The following EDIL3 variants were observed in gnomAD, a reference collection of about 807,000 sequenced individuals.
EDIL3 encodes EGF like and discoidin domains 3.
EDIL3 carries 37 observed loss-of-function variants against 67.4 expected under a neutral mutation model. The ratio of observed to expected loss-of-function variants is 0.55; its 90% CI spans 0.42 to 0.72. The LOEUF is 0.72. Ranked by LOEUF, EDIL3 falls within the 30% of genes least tolerant of loss-of-function variation. EDIL3 has a pLI of 0.00. For synonymous variants in EDIL3, 195 were observed against 196.3 expected, an observed-to-expected ratio of 0.99 and a Z score of 0.05; for missense variants, 527 against 586.3, an observed-to-expected ratio of 0.90 and a Z score of 1.04.
intron 1 of EDIL3, among the ~76,000 whole-genome samples, chr5:84,364,386 T>A (rs1023354360): frequency 6.6e-6 from 1 of 152,208 alleles, no homozygotes; most frequent in African/African-American, 2.4e-5. Flanking sequence ...TCATATTGCT[T>A]TGGAAATTGT....
chr5:84,126,720 GA>G (rs1452010794), intron 5 of EDIL3, among the ~76,000 whole-genome samples: 12 of 152,040 alleles, frequency 7.9e-5, no homozygotes, highest in Admixed American at 7.9e-4. Context: ...ATAAACAGAT[GA>G]TTTTTATTTT....
chr5:84,150,377 T>C (rs952655860), intron 4 of EDIL3, among the ~76,000 whole-genome samples: 2 of 152,058 alleles, frequency 1.3e-5, no homozygotes, highest in African/African-American at 4.8e-5. Flanking sequence ...AGAACATATT[T>C]GCAAATCAAA....
At chr5:84,212,477 A>C (rs1452380801) in intron 3 of EDIL3, among the ~76,000 whole-genome samples, 1 of 152,228 alleles carries the variant, frequency 6.6e-6, no homozygotes, top group Non-Finnish European at 1.5e-5. Flanking sequence ...ACTTGGAAGA[A>C]ATTCGTGGAG....
chr5:83,967,544 T>A (rs1744718439), intron 9 of EDIL3, among the ~76,000 whole-genome samples: 1 of 152,094 alleles, frequency 6.6e-6, no homozygotes, highest in Non-Finnish European at 1.5e-5. Context: ...AAGTATGGCA[T>A]GAGAGTTCTG....
At chr5:84,332,664 A>G (rs898613482) in intron 1 of EDIL3, among the ~76,000 whole-genome samples, 1 of 152,152 alleles carries the variant, frequency 6.6e-6, no homozygotes, top group Non-Finnish European at 1.5e-5. Flanking sequence ...AGTATTTGTC[A>G]TTATGCTGGC....
chr5:84,379,555 T>C (rs773181174), intron 1 of EDIL3, among the ~76,000 whole-genome samples: 1 of 152,180 alleles, frequency 6.6e-6, no homozygotes, highest in East Asian at 1.9e-4. Flanking sequence ...ATGAAACTTA[T>C]AGTTCATATG....
At chr5:83,957,124 C>T (rs1390501947) in intron 10 of EDIL3, among the ~76,000 whole-genome samples, 1 of 151,644 alleles carries the variant, frequency 6.6e-6, no homozygotes, top group African/African-American at 2.4e-5. Flanking sequence ...TCCGTTCCTT[C>T]CTTCTCTGCC....
chr5:84,185,984 A>C (rs866484572), intron 3 of EDIL3, among the ~76,000 whole-genome samples: 1 of 152,262 alleles, frequency 6.6e-6, no homozygotes, highest in Non-Finnish European at 1.5e-5. Context: ...TTAGTATATA[A>C]AGATAACATA....
At chr5:84,086,532 T>C (rs1747075531) in intron 6 of EDIL3, among the ~76,000 whole-genome samples, 1 of 152,088 alleles carries the variant, frequency 6.6e-6, no homozygotes, top group Non-Finnish European at 1.5e-5. Context: ...TAGTTGGAAA[T>C]GCAGAAATCA....
chr5:84,321,558 C>T (rs1027908197), intron 1 of EDIL3, among the ~76,000 whole-genome samples: 1 of 152,098 alleles, frequency 6.6e-6, no homozygotes, highest in African/African-American at 2.4e-5. Context: ...CAGCTCTTAG[C>T]ACAATAGCAG....
intron 9 of EDIL3, among the ~76,000 whole-genome samples, chr5:84,025,616 C>A (rs923175907): frequency 6.6e-6 from 1 of 152,104 alleles, no homozygotes; most frequent in African/African-American, 2.4e-5. Flanking sequence ...CTAAATTGGT[C>A]CCTGGTACCA....
At chr5:84,015,185 C>T (rs1745580625) in intron 9 of EDIL3, among the ~76,000 whole-genome samples, 1 of 152,160 alleles carries the variant, frequency 6.6e-6, no homozygotes, top group Non-Finnish European at 1.5e-5. Flanking sequence ...AAGTGGAAAA[C>T]ACTGTGATGC....
At chr5:84,035,033 G>A (rs901438546) in intron 9 of EDIL3, among the ~76,000 whole-genome samples, 1 of 152,030 alleles carries the variant, frequency 6.6e-6, no homozygotes, top group Non-Finnish European at 1.5e-5. Flanking sequence ...AGACCATACT[G>A]ATGTTTTTTT....
At chr5:84,342,889 A>G (rs896264290) in intron 1 of EDIL3, among the ~76,000 whole-genome samples, 3 of 152,096 alleles carry the variant, frequency 2.0e-5, no homozygotes, top group South Asian at 2.1e-4. Flanking sequence ...ACTTAAAATC[A>G]AGCTCTTTGC....
rs70975543 is a variant in EDIL3 at position 84,141,952 on chromosome 5, GATCT to G, written c.356-4602_356-4599del. Among the ~76,000 whole-genome samples, 1,082 of 108,374 alleles carry G rather than the reference GATCT, an allele frequency of 1.0e-2. 17 individuals are homozygous for G. The highest frequency in any genetic ancestry group is 0.028 in the African/African-American group (762 of 27,382). The allele number at this position is 108,374 out of a possible 152,430, so 71.1% of individuals were successfully genotyped here. ...ATATATATATATATATATATACATA[GATCT>G]ATCTATCTATCTATCTATCTATCTA... On this transcript the variant is annotated intron_variant, in intron 4 of 10. Coordinates refer to ENST00000296591, the MANE Select transcript of EDIL3 (RefSeq NM_005711.5).
chr5:84,061,518 A>G (rs1280110599), intron 8 of EDIL3, among the ~76,000 whole-genome samples: 2 of 152,142 alleles, frequency 1.3e-5, no homozygotes, highest in Non-Finnish European at 2.9e-5. Context: ...ATCATCAAAG[A>G]AACAAAGATG....
intron 1 of EDIL3, among the ~76,000 whole-genome samples, chr5:84,277,304 A>T (rs1745601284): frequency 6.6e-6 from 1 of 152,090 alleles, no homozygotes; most frequent in Non-Finnish European, 1.5e-5. Context: ...TTATACCGAG[A>T]AGAGAGCCGA....
At chr5:84,290,042 A>G (rs1271746948) in intron 1 of EDIL3, among the ~76,000 whole-genome samples, 2 of 152,128 alleles carry the variant, frequency 1.3e-5, no homozygotes, top group South Asian at 4.1e-4. Context: ...GGACCCTCAG[A>G]TCCTCCTTCA....
In EDIL3 at chr5:83,963,221, T is replaced by C. The variant is rs1580254861; in HGVS notation, c.1277A>G (p.Lys426Arg). Reference sequence around the variant, plus strand: ...CTGACTTACCTTATCTTTTCTTTGCTTTTCATCCTGGTATACAGTCCAGTG... The same window carrying C: ...CTGACTTACCTTATCTTTTCTTTGCCTTTCATCCTGGTATACAGTCCAGTG... ...GEHWTVYQDE[K>R]QRKDKVFQGN... is the part of the protein sequence containing the mutation. Residue 426 changes from lysine (K) to arginine (R), a missense_variant, in exon 10 of 11, where the codon AAG becomes AGG. This residue lies in a region of EDIL3 where 494 missense variants were observed against 522.5 expected (regional missense o/e 0.95). Coordinates refer to ENST00000296591, the MANE Select transcript of EDIL3 (RefSeq NM_005711.5). The C allele has an allele frequency of 6.3e-7, 1 of 1,595,678 alleles. No individual in the cohort carries two copies. Among genetic ancestry groups the C allele is most frequent in the Non-Finnish European group, 8.5e-7 (1 of 1,172,910 alleles).
Sources: gnomAD v4.1 joint callset for allele counts (sites outside exome capture counted in the v4.1 genomes callset) on GRCh38, gnomAD v4.1.1 for gene constraint, gnomAD v4.1.1 regional missense constraint, MANE v1.5 for transcripts, NCBI Gene and HGNC (gene_info 2026-07-23, HGNC 2026-07-21) for gene names.